GRAMD4: variants seen among roughly 807,000 people sequenced by gnomAD.
GRAMD4 encodes the protein GRAM domain containing 4, also known as GRAM domain-containing protein 4.
In GRAMD4, 25 loss-of-function variants were observed where a neutral mutation model predicts 83.9. The ratio of observed to expected loss-of-function variants is 0.30; its 90% confidence interval spans 0.22 to 0.42. The LOEUF is 0.42. Ranked by LOEUF, GRAMD4 falls within the 10% of genes least tolerant of loss-of-function variation. The pLI is 1.00. For missense variants in GRAMD4, 593 were observed against 788.7 expected, an observed-to-expected ratio of 0.75 and a Z score of 2.97; for synonymous variants, 336 against 320.9, an observed-to-expected ratio of 1.05 and a Z score of -0.50.
intron 1 of GRAMD4, among the ~76,000 whole-genome samples, chr22:46,583,689 G>A (rs1174440867): frequency 6.6e-6 from 1 of 152,260 alleles, no homozygotes; most frequent in Admixed American, 6.5e-5. Flanking sequence ...TTAGCGGGAG[G>A]AAGACCACAG....
At chr22:46,682,552 G>A (rs1468629841), downstream of GRAMD4, 4 of 416,240 alleles carry the variant, frequency 9.6e-6, no homozygotes, top group Non-Finnish European at 1.3e-5. Flanking sequence ...GCCCAGTGAC[G>A]GCCACTCCTG....
At chr22:46,627,099 AC>A in intron 2 of GRAMD4, 138 bp downstream of exon 2, 7 of 645,492 alleles carry the variant, frequency 1.1e-5, no homozygotes, top group Non-Finnish European at 1.9e-5. Flanking sequence ...TCTCTGTCTC[AC>A]CTGCTCCCGA....
intron 1 of GRAMD4, among the ~76,000 whole-genome samples, chr22:46,589,007 G>C (rs1162042295): frequency 6.6e-6 from 1 of 152,120 alleles, no homozygotes; most frequent in Non-Finnish European, 1.5e-5. Flanking sequence ...ACCACAGCTC[G>C]TAACTGTGGC....
intron 5 of GRAMD4, among the ~76,000 whole-genome samples, chr22:46,662,228 C>G (rs2082338532): frequency 6.6e-6 from 1 of 152,192 alleles, no homozygotes; most frequent in Non-Finnish European, 1.5e-5. Flanking sequence ...GCCCGGGTGG[C>G]CTTGGGGTAC....
intron 3 of GRAMD4, among the ~76,000 whole-genome samples, chr22:46,648,939 G>GATGC (rs2082123871): frequency 5.9e-5 from 2 of 33,632 alleles, no homozygotes; most frequent in East Asian, 3.9e-4. Flanking sequence ...TGGATGCATG[G>GATGC]ATGGATGGAT....
chr22:46,639,113 T>A (rs2081934610), intron 3 of GRAMD4, among the ~76,000 whole-genome samples: 1 of 152,178 alleles, frequency 6.6e-6, no homozygotes, highest in Non-Finnish European at 1.5e-5. Context: ...GAACTCTGTG[T>A]GCTCATGTTT....
At chr22:46,660,659 A>G (rs2748335) in intron 4 of GRAMD4, among the ~76,000 whole-genome samples, 9,972 of 152,258 alleles carry the variant, frequency 0.065, 673 homozygotes, top group African/African-American at 0.17. Context: ...TTGTGGATCC[A>G]AAGTCCCCTG....
intron 1 of GRAMD4, among the ~76,000 whole-genome samples, chr22:46,582,612 C>T (rs112316879): frequency 0.018 from 2,776 of 152,212 alleles, 83 homozygotes; most frequent in African/African-American, 0.064. Flanking sequence ...ATCCTGGGAC[C>T]CTGGCTCGGG....
At chr22:46,577,370 G>C (rs2081051884) in intron 1 of GRAMD4, 1 of 887,822 alleles carries the variant, frequency 1.1e-6, no homozygotes, top group Non-Finnish European at 1.3e-6. Flanking sequence ...GGCGGCTCGC[G>C]ACCCAGCTCA....
chr22:46,610,587 T>G (rs1348796206), intron 1 of GRAMD4, among the ~76,000 whole-genome samples: 2 of 152,226 alleles, frequency 1.3e-5, no homozygotes, highest in Admixed American at 6.5e-5. Flanking sequence ...TTCGCGATAT[T>G]GCAGTCTTTG....
intron 4 of GRAMD4, among the ~76,000 whole-genome samples, chr22:46,661,159 T>C (rs2082320649): frequency 6.6e-6 from 1 of 152,132 alleles, no homozygotes; most frequent in African/African-American, 2.4e-5. Flanking sequence ...TGAAAGATGC[T>C]GGTTGTTTAA....
intron 18 of GRAMD4, 57 bp from the exon 19 acceptor site, chr22:46,677,078 CGTCTCGGTCCTG>C (rs1367192410): frequency 6.3e-7 from 1 of 1,586,186 alleles, no homozygotes; most frequent in Non-Finnish European, 8.6e-7. Context: ...TGTTGGACTT[CGTCTCGGTCCTG>C]GTCCTGGCGC....
At chr22:46,576,847 G>T (rs1249502819), upstream of GRAMD4, among the ~76,000 whole-genome samples, 5 of 146,828 alleles carry the variant, frequency 3.4e-5, no homozygotes, top group Non-Finnish European at 7.6e-5. Flanking sequence ...GCGTGGCCGT[G>T]GCCGGCGGCG....
At chr22:46,662,688 AG>A (rs1365006977) in intron 5 of GRAMD4, among the ~76,000 whole-genome samples, 1 of 152,090 alleles carries the variant, frequency 6.6e-6, no homozygotes, top group African/African-American at 2.4e-5. Context: ...CAGACGTCTG[AG>A]GTGGGCCGAG....
chr22:46,629,735 C>T (rs2081737728), intron 2 of GRAMD4, among the ~76,000 whole-genome samples: 1 of 152,222 alleles, frequency 6.6e-6, no homozygotes, highest in African/African-American at 2.4e-5. Context: ...ATTTACAATG[C>T]TGTGCTACCA....
chr22:46,674,500 C>G, intron 15 of GRAMD4, 157 bp from the exon 16 acceptor site: 1 of 682,778 alleles, frequency 1.5e-6, no homozygotes, highest in South Asian at 1.6e-5. Flanking sequence ...CTGGGGCCAC[C>G]TCACTCTTGC....
intron 1 of GRAMD4, among the ~76,000 whole-genome samples, chr22:46,624,601 C>T (rs946130533): frequency 1.3e-5 from 2 of 152,188 alleles, no homozygotes; most frequent in African/African-American, 4.8e-5. Context: ...GCTGGGATTA[C>T]AGGCGTGAAC....
chr22:46,593,157 C>T (rs966916163), intron 1 of GRAMD4, among the ~76,000 whole-genome samples: 2 of 152,116 alleles, frequency 1.3e-5, no homozygotes, highest in Admixed American at 1.3e-4. Context: ...GCAGACCTTT[C>T]CTCTTTACCA....
chr22:46,577,774 G>A lies in GRAMD4; in HGVS notation c.-50+484G>A, dbSNP rs189173503. Among the ~76,000 whole-genome samples, 139 of 152,310 alleles carry A rather than the reference G, an allele frequency of 9.1e-4. 1 individual carries two copies. The highest frequency in any genetic ancestry group is 3.1e-3 in the African/African-American group (127 of 41,586). On this transcript the variant is annotated intron_variant, in intron 1 of 1. Transcript: ENST00000431155. ...AAAGTTGTGGGCGCTTGTCCCCTCC[G>A]TGCACCCCACTTTCTGCCCTGTCTT...
Sources: gnomAD v4.1 joint callset for allele counts (sites outside exome capture counted in the v4.1 genomes callset) on GRCh38, gnomAD v4.1.1 for gene constraint, MANE v1.5 for transcripts, NCBI Gene and HGNC (gene_info 2026-07-23, HGNC 2026-07-21) for gene names.